EBF2: variants seen among roughly 807,000 people sequenced by gnomAD.
EBF2 encodes EBF transcription factor 2.
In EBF2, 21 loss-of-function variants were observed where a neutral mutation model predicts 72.8. The ratio of observed to expected loss-of-function variants is 0.29; its 90% CI spans 0.20 to 0.42. The LOEUF (loss-of-function observed/expected upper bound fraction) is 0.42, where lower values mean the gene tolerates loss of function less well. Among genes scored for constraint, EBF2 ranks in the 10% least tolerant of loss-of-function variants. The pLI, the probability that EBF2 is intolerant of heterozygous loss-of-function variation, is 1.00. For synonymous variants in EBF2, 299 were observed against 274.2 expected (o/e 1.09, Z -0.89); for missense variants, 637 against 731.2 (o/e 0.87, Z 1.49).
At chr8:25,984,795 T>C (rs1804421319) in intron 6 of EBF2, among the ~76,000 whole-genome samples, 1 of 152,210 alleles carries the variant, frequency 6.6e-6, no homozygotes, top group African/African-American at 2.4e-5. Context: ...CCAAGGTTTT[T>C]GCTTCCAGTG....
At chr8:25,953,597 G>C (rs905961104) in intron 6 of EBF2, among the ~76,000 whole-genome samples, 1 of 152,094 alleles carries the variant, frequency 6.6e-6, no homozygotes, top group African/African-American at 2.4e-5. Flanking sequence ...CAGCTGATTC[G>C]GGATCTGACC....
In EBF2 at chr8:25,855,679, TAA is replaced by T. The variant is rs539254694; in HGVS notation, c.1528+2638_1528+2639del. Reference sequence around the variant, plus strand: ...TCTTTTTTTGTATTTCCCAGAGAAGTAAAGACTTGGCTGGCTAGAAATACAGG... The same window carrying T: ...TCTTTTTTTGTATTTCCCAGAGAAGTAGACTTGGCTGGCTAGAAATACAGG... On this transcript the variant is annotated intron_variant, in intron 14 of 15. Transcript: ENST00000520164. Among the ~76,000 whole-genome samples the T allele has an allele frequency of 3.9e-3, 587 of 152,310 alleles. 4 individuals are homozygous for T. The highest frequency in any genetic ancestry group is 0.013 in the African/African-American group (547 of 41,576).
intron 15 of EBF2, among the ~76,000 whole-genome samples, chr8:25,847,397 T>TTTA (rs1326302511): frequency 6.6e-6 from 1 of 152,180 alleles, no homozygotes; most frequent in Non-Finnish European, 1.5e-5. Context: ...TGACTGTGCA[T>TTTA]TAAATGTCAG....
In EBF2 at chr8:25,844,520, C is replaced by T. The variant is rs1415390338; in HGVS notation, c.*89G>A. ...GTCCATCATGTTCATGTGGGGGCAC[C>T]ACTACACCCCCAAAAGAGCTCCTAG... On this transcript the variant is annotated 3_prime_UTR_variant, in exon 16 of 16. Transcript: ENST00000520164. The T allele has an allele frequency of 2.0e-5, 29 of 1,466,496 alleles. 1 individual carries two copies. The Admixed American group carries it at 4.5e-4, about 23-fold the overall frequency. 90.8% of individuals were successfully genotyped at this position (1,466,496 alleles called of 1,614,324 possible).
intron 7 of EBF2, among the ~76,000 whole-genome samples, chr8:25,898,908 T>A (rs1214511824): frequency 6.6e-6 from 1 of 152,226 alleles, no homozygotes; most frequent in East Asian, 1.9e-4. Flanking sequence ...GGCAGGTTTG[T>A]GTCCAAATTA....
intron 6 of EBF2, among the ~76,000 whole-genome samples, chr8:25,944,545 GA>G (rs537168131): frequency 8.0e-5 from 12 of 149,394 alleles, no homozygotes; most frequent in Non-Finnish European, 1.6e-4. Context: ...TAATATTATA[GA>G]ATATATACAC....
intron 6 of EBF2, among the ~76,000 whole-genome samples, chr8:25,917,767 C>G (rs1473995120): frequency 6.6e-6 from 1 of 152,174 alleles, no homozygotes; most frequent in African/African-American, 2.4e-5. Flanking sequence ...TCCCCTCCCC[C>G]TCCCATTCTC....
chr8:25,954,528 G>T (rs1326529875), intron 6 of EBF2, among the ~76,000 whole-genome samples: 2 of 152,236 alleles, frequency 1.3e-5, no homozygotes, highest in Non-Finnish European at 2.9e-5. Flanking sequence ...CAAGCTCTGA[G>T]GCACTAAGAA....
intron 6 of EBF2, among the ~76,000 whole-genome samples, chr8:26,025,190 CAG>C (rs1227718915): frequency 1.3e-5 from 2 of 152,228 alleles, no homozygotes; most frequent in East Asian, 3.9e-4. Flanking sequence ...GTGTTCCGGA[CAG>C]GGGGATTCAC....
chr8:25,888,105 T>G lies in EBF2; in HGVS notation c.752-133A>C, dbSNP rs550799455. Reference sequence around the variant, plus strand: ...ATACACTAATGCTAACGATAACTGATGAGCTAACAAACAACAAACAAAAAA... The same window carrying G: ...ATACACTAATGCTAACGATAACTGAGGAGCTAACAAACAACAAACAAAAAA... On this transcript the variant is annotated intron_variant, in intron 8 of 15. Transcript: ENST00000520164. 1.6e-5 allele frequency: 16 copies of G among 999,284 alleles called. No homozygotes were observed. In the East Asian group the frequency reaches 3.2e-4, roughly 20 times the overall value. 61.9% of individuals were successfully genotyped at this position (999,284 alleles called of 1,614,324 possible).
chr8:25,858,287 A>C, intron 14 of EBF2, 32 bp downstream of exon 14: 1 of 1,612,424 alleles, frequency 6.2e-7, no homozygotes, highest in Non-Finnish European at 8.5e-7. Flanking sequence ...ACAAAAAAGC[A>C]TGGAGAGCCA....
rs1801781677 is a variant in EBF2 at position 25,843,970 on chromosome 8, G to T, written c.*639C>A. 2 of 152,080 alleles carry T rather than the reference G, an allele frequency of 1.3e-5. No individual in the cohort carries two copies. Among genetic ancestry groups the T allele is most frequent in the African/African-American group, 4.8e-5 (2 of 41,374 alleles). 9.4% of individuals were successfully genotyped at this position (152,080 alleles called of 1,614,324 possible). ...AAATCCCTCTCTCTTCCAAAAAAAG[G>T]TCTTAATTTCTACCTCTACTTACAA... On this transcript the variant is annotated 3_prime_UTR_variant, in exon 16 of 16. Transcript: ENST00000520164.
At chr8:25,866,687 A>C (rs563642660) in intron 10 of EBF2, among the ~76,000 whole-genome samples, 1 of 143,916 alleles carries the variant, frequency 6.9e-6, no homozygotes, top group Admixed American at 7.2e-5. Context: ...GCTGGAGTGC[A>C]ATGGCATGAT....
At chr8:25,874,853 CTT>C (rs1183233269) in intron 10 of EBF2, among the ~76,000 whole-genome samples, 20 of 99,558 alleles carry the variant, frequency 2.0e-4, no homozygotes, top group Non-Finnish European at 2.3e-4. Flanking sequence ...GCCTGGCTAA[CTT>C]TTTTTTTTTT....
intron 6 of EBF2, among the ~76,000 whole-genome samples, chr8:26,006,461 C>G (rs982080707): frequency 6.6e-6 from 1 of 152,164 alleles, no homozygotes; most frequent in African/African-American, 2.4e-5. Flanking sequence ...ATAGATTGCT[C>G]AGGTCTTTGC....
intron 6 of EBF2, among the ~76,000 whole-genome samples, chr8:25,920,813 T>C (rs772017666): frequency 7.9e-5 from 12 of 152,138 alleles, no homozygotes; most frequent in Non-Finnish European, 1.6e-4. Context: ...ATTCTTGTGA[T>C]TCAGTCTCTC....
At chr8:26,001,721 G>A (rs181677450) in intron 6 of EBF2, among the ~76,000 whole-genome samples, 8 of 152,082 alleles carry the variant, frequency 5.3e-5, no homozygotes, top group African/African-American at 1.7e-4. Context: ...GCTAATTTTG[G>A]TATTTTTAGT....
intron 6 of EBF2, among the ~76,000 whole-genome samples, chr8:25,942,998 A>G (rs1803703583): frequency 6.6e-6 from 1 of 152,178 alleles, no homozygotes; most frequent in East Asian, 1.9e-4. Flanking sequence ...ACCTATGTGA[A>G]AACTAGAGCT....
At chr8:26,001,742 T>G (rs896987839) in intron 6 of EBF2, among the ~76,000 whole-genome samples, 1 of 151,862 alleles carries the variant, frequency 6.6e-6, no homozygotes, top group Admixed American at 6.6e-5. Context: ...AGAGACAGGG[T>G]TTCACCATTT....
Sources: allele counts gnomAD v4.1 joint callset (sites outside exome capture counted in the v4.1 genomes callset), GRCh38; gene constraint gnomAD v4.1.1; transcripts MANE v1.5; gene names NCBI Gene and HGNC (gene_info 2026-07-23, HGNC 2026-07-21).